CACNA1B: variants seen among roughly 807,000 people sequenced by gnomAD.
CACNA1B encodes calcium voltage-gated channel subunit alpha1 B, also known as voltage-dependent N-type calcium channel subunit alpha-1B.
In CACNA1B, 70 loss-of-function variants were observed where a neutral mutation model predicts 247.2. That is an observed-to-expected ratio of 0.28 (90% CI 0.23 to 0.35). CACNA1B has a LOEUF of 0.35. Among genes scored for constraint, CACNA1B ranks in the 10% least tolerant of loss-of-function variants. The probability of loss-of-function intolerance (pLI) is 1.00; values close to 1 mark genes in which losing one functional copy is unlikely to be tolerated. For synonymous variants in CACNA1B, 1,231 were observed against 1,294.4 expected, an observed-to-expected ratio of 0.95 and a Z score of 1.05; for missense variants, 2,367 against 3,197.4, an observed-to-expected ratio of 0.74 and a Z score of 6.26.
intron 3 of CACNA1B, among the ~76,000 whole-genome samples, chr9:137,903,309 C>T (rs551837408): frequency 1.3e-5 from 2 of 152,294 alleles, no homozygotes; most frequent in African/African-American, 4.8e-5. Flanking sequence ...TCACTTGAAC[C>T]CAGGAGGTGG....
chr9:138,023,177 C>T lies in CACNA1B; in HGVS notation c.2434C>T (p.His812Tyr), dbSNP rs1333352915. 6.5e-7 allele frequency: 1 copy of T among 1,526,952 alleles called. No individual in the cohort carries two copies. The highest frequency in any genetic ancestry group is 1.2e-5 in the South Asian group (1 of 82,590). The allele number at this position is 1,526,952 out of a possible 1,614,324, so 94.6% of individuals were successfully genotyped here. Reference sequence around the variant, plus strand: ...CCACCTGCGGCCCGACATGAAGACGCACCTGGACCGGCCGCTGGTGGTGGA... The same window carrying T: ...CCACCTGCGGCCCGACATGAAGACGTACCTGGACCGGCCGCTGGTGGTGGA... The part of the protein sequence containing the change: ...TRHLRPDMKT[H>Y]LDRPLVVELG... The change falls in exon 19 of 47, where the codon CAC becomes TAC. Residue 812 changes from histidine (H) to tyrosine (Y), a missense_variant. His to Tyr is a moderately conservative substitution (Grantham distance 83, BLOSUM62 2). Around this residue, in one of 12 missense-constraint regions of CACNA1B, gnomAD observed 631 missense variants for 631.1 expected, o/e 1.00. Transcript: ENST00000371372.
At chr9:138,067,399 A>AT (rs1475774247) in intron 31 of CACNA1B, among the ~76,000 whole-genome samples, 1 of 152,238 alleles carries the variant, frequency 6.6e-6, no homozygotes, top group East Asian at 1.9e-4. Context: ...TGACATTAAA[A>AT]TTTTTTTAAA....
At chr9:138,112,318 C>G in intron 39 of CACNA1B, 80 bp from the exon 40 acceptor site, 1 of 964,660 alleles carries the variant, frequency 1.0e-6, no homozygotes, top group East Asian at 2.5e-5. Context: ...CCACCTGCAC[C>G]AGCTCTGCCC....
intron 31 of CACNA1B, among the ~76,000 whole-genome samples, chr9:138,068,112 A>G (rs1457203028): frequency 1.3e-5 from 2 of 152,200 alleles, no homozygotes; most frequent in African/African-American, 4.8e-5. Context: ...GCGCAAGTCA[A>G]AGAAGCCTGC....
Position 138,011,709 on chromosome 9 carries a change from T to G in CACNA1B, c.2161-1420T>G, listed in dbSNP as rs2133421077. ...GGACCTGGGTGTGGGTGTTTCACGC[T>G]GGGTCTGGCTTTGCCTCCTCTCTGG... On this transcript the variant is annotated intron_variant, in intron 17 of 46. Transcript: ENST00000371372. This position sits in a 1 kb window ranked among gnomAD's most constrained non-coding sequence, Gnocchi z 4.2. Among the ~76,000 whole-genome samples, 1 of 152,320 alleles carries G rather than the reference T, an allele frequency of 6.6e-6. No homozygotes were observed. Among genetic ancestry groups the G allele is most frequent in the East Asian group, 1.9e-4 (1 of 5,172 alleles).
chr9:138,059,274 T>C lies in CACNA1B; in HGVS notation c.4584+85T>C. 3.9e-6 allele frequency: 3 copies of C among 769,608 alleles called. No individual in the cohort carries two copies. The highest frequency in any genetic ancestry group is 6.9e-6 in the Non-Finnish European group (3 of 437,564). 47.7% of individuals were successfully genotyped at this position (769,608 alleles called of 1,614,324 possible). A position where few individuals can be genotyped will look rare whatever the true frequency, so the allele number is the denominator to read the frequency against. On this transcript the variant is annotated intron_variant, in intron 30 of 46. Coordinates refer to ENST00000371372, the MANE Select transcript of CACNA1B (RefSeq NM_000718.4). The surrounding 1 kb of genome is among the most constrained non-coding windows in gnomAD (Gnocchi z 4.2). ...AGGGCGACCTTTGGGGGCTCACAAT[T>C]TGGAGCTGGGAATTCTCCGAGTACC...
chr9:137,987,083 G>A (rs976815844), intron 15 of CACNA1B, among the ~76,000 whole-genome samples: 8 of 152,204 alleles, frequency 5.3e-5, no homozygotes, highest in Non-Finnish European at 7.3e-5. Context: ...GGATTCTGTG[G>A]CAGCACTGTA....
intron 20 of CACNA1B, among the ~76,000 whole-genome samples, chr9:138,035,249 G>A (rs924758772): frequency 6.6e-5 from 10 of 152,136 alleles, no homozygotes; most frequent in African/African-American, 2.4e-4. Context: ...ACTTGAGGTC[G>A]GAAGTTTGAG....
intron 6 of CACNA1B, among the ~76,000 whole-genome samples, chr9:137,930,903 C>T (rs545268341): frequency 6.6e-6 from 1 of 152,030 alleles, no homozygotes; most frequent in South Asian, 2.1e-4. Context: ...TTAATCTAGC[C>T]ACTCCAATTT....
chr9:137,878,271 G>A, intron 1 of CACNA1B, 54 bp downstream of exon 1: 5 of 1,139,588 alleles, frequency 4.4e-6, no homozygotes, highest in South Asian at 4.2e-5. Flanking sequence ...GGTGGGGGCC[G>A]GGGCCGGGGC....
At chr9:138,099,125 G>A (rs1961156722) in intron 37 of CACNA1B, among the ~76,000 whole-genome samples, 1 of 152,162 alleles carries the variant, frequency 6.6e-6, no homozygotes, top group Non-Finnish European at 1.5e-5. Context: ...GTGCACATGT[G>A]TGGTGCACAA....
chr9:138,117,530 G>A (rs565043077), intron 42 of CACNA1B, among the ~76,000 whole-genome samples: 5 of 152,256 alleles, frequency 3.3e-5, no homozygotes, highest in African/African-American at 1.2e-4. Flanking sequence ...GTACACATGC[G>A]GCCCCACTCC....
At chr9:138,064,422 A>G (rs1266270892) in intron 31 of CACNA1B, among the ~76,000 whole-genome samples, 1 of 152,190 alleles carries the variant, frequency 6.6e-6, no homozygotes, top group African/African-American at 2.4e-5. Flanking sequence ...TGACTGGTTG[A>G]GAGACTCGGG....
chr9:137,878,253 G>T, intron 1 of CACNA1B, 36 bp downstream of exon 1: 1 of 1,193,702 alleles, frequency 8.4e-7, no homozygotes, highest in South Asian at 4.0e-5. Flanking sequence ...GGGCCGGGCG[G>T]GGACCGGGGT....
intron 6 of CACNA1B, among the ~76,000 whole-genome samples, chr9:137,940,097 A>G (rs1957715839): frequency 6.6e-6 from 1 of 152,138 alleles, no homozygotes; most frequent in South Asian, 2.1e-4. Context: ...ATGAAACTTA[A>G]ACAAAAAAAC....
At position 138,051,125 on chromosome 9, in the gene CACNA1B, A is replaced by C. The variant is rs1166586325; in HGVS notation, c.3711-967A>C. On this transcript the variant is annotated intron_variant, in intron 24 of 46. Transcript: ENST00000371372. This position sits in a 1 kb window ranked among gnomAD's most constrained non-coding sequence, Gnocchi z 4.3. ...CAGCTCCCACCCTCACCTCCCACCA[A>C]GTAGAGTGGCTTTGCTTCTGAGAAC... Among the ~76,000 whole-genome samples, 1 of 152,018 alleles carries C rather than the reference A, an allele frequency of 6.6e-6. No homozygotes were observed. Among genetic ancestry groups the C allele is most frequent in the African/African-American group, 2.4e-5 (1 of 41,398 alleles).
chr9:137,997,854 T>G (rs1326353274), intron 15 of CACNA1B, among the ~76,000 whole-genome samples: 1 of 152,196 alleles, frequency 6.6e-6, no homozygotes, highest in Admixed American at 6.5e-5. Flanking sequence ...GCAGCATTAT[T>G]TGTAATAACA....
rs1396673882 is a variant in CACNA1B, at chr9:138,006,941, C to T, written c.2092+57C>T. ...GTCAGTGCTTGGCCCTCCTCTTCTC[C>T]ATGGCCACCACGCGGATCCCTCCAG... On this transcript the variant is annotated intron_variant, in intron 16 of 46. Transcript: ENST00000371372. 4.6e-6 allele frequency: 4 copies of T among 871,108 alleles called. No individual in the cohort carries two copies. The African/African-American group carries it at 6.6e-5, about 14-fold the overall frequency. The allele number at this position is 871,108 out of a possible 1,614,324, so 54.0% of individuals were successfully genotyped here.
intron 20 of CACNA1B, among the ~76,000 whole-genome samples, chr9:138,039,004 G>A (rs1417165485): frequency 6.6e-6 from 1 of 151,922 alleles, no homozygotes; most frequent in African/African-American, 2.4e-5. Context: ...GGCCAACATG[G>A]CAAAACCCCG....
Sources: allele counts gnomAD v4.1 joint callset (sites outside exome capture counted in the v4.1 genomes callset), GRCh38; gene constraint gnomAD v4.1.1; regional missense constraint gnomAD v4.1.1; non-coding constraint Gnocchi (gnomAD v3.1); transcripts MANE v1.5; gene names NCBI Gene and HGNC (gene_info 2026-07-23, HGNC 2026-07-21).